The following HECTD4 variants were observed in gnomAD, a reference collection of about 807,000 sequenced individuals.
The protein encoded by HECTD4 is probable E3 ubiquitin-protein ligase HECTD4.
HECTD4 carries 114 observed loss-of-function variants against 471.5 expected under a neutral mutation model. The observed-to-expected ratio is 0.24, with a 90% CI of 0.21 to 0.28. The LOEUF is 0.28. HECTD4 is among the 10% of genes least tolerant of loss of function. The probability of loss-of-function intolerance (pLI) is 1.00; values close to 1 mark genes in which losing one functional copy is unlikely to be tolerated. For synonymous variants in HECTD4, 2,012 were observed against 2,256.0 expected, an observed-to-expected ratio of 0.89 and a Z score of 3.07; for missense variants, 3,866 against 5,651.5, an observed-to-expected ratio of 0.68 and a Z score of 10.13.
intron 22 of HECTD4, among the ~76,000 whole-genome samples, chr12:112,253,042 G>C (rs2033928957): frequency 6.6e-6 from 1 of 151,622 alleles, no homozygotes; most frequent in South Asian, 2.1e-4. Flanking sequence ...TCAAATTCTT[G>C]GGCTCAAGCA....
Position 112,171,141 on chromosome 12 carries a change from C to T in HECTD4, c.11908G>A (p.Ala3970Thr), listed in dbSNP as rs1015405136. Reference sequence around the variant, plus strand: ...CCTTTGGCCTCCTTCAGCAGGGCGGCGATGCTGTGGGTATACATGGGTGTC... The same window carrying T: ...CCTTTGGCCTCCTTCAGCAGGGCGGTGATGCTGTGGGTATACATGGGTGTC... ...RQTPMYTHSI[A>T]ALLKEAKGLI... The change falls in exon 68 of 76, where the codon GCC becomes ACC. Residue 3970 changes from alanine to threonine, a missense_variant. This residue lies in a region of HECTD4 where 715 missense variants were observed against 1,087.6 expected (regional missense o/e 0.66). Coordinates refer to ENST00000682272, the MANE Select transcript of HECTD4 (RefSeq NM_001388303.1). The T allele has an allele frequency of 5.6e-6, 9 of 1,613,210 alleles. No individual in the cohort carries two copies. The highest frequency in any genetic ancestry group is 1.6e-4 in the Middle Eastern group (1 of 6,082).
At chr12:112,187,393 G>A (rs987942934) in intron 60 of HECTD4, among the ~76,000 whole-genome samples, 22 of 152,110 alleles carry the variant, frequency 1.4e-4, no homozygotes, top group African/African-American at 5.3e-4. Flanking sequence ...ATGTATGAAT[G>A]GATGGATAGA....
At chr12:112,358,897 C>T (rs1408406567) in intron 1 of HECTD4, among the ~76,000 whole-genome samples, 5 of 152,046 alleles carry the variant, frequency 3.3e-5, no homozygotes, top group Admixed American at 1.3e-4. Flanking sequence ...AACGGCCGGC[C>T]GGGCGCGGTG....
intron 7 of HECTD4, among the ~76,000 whole-genome samples, chr12:112,299,125 G>A (rs1384775113): frequency 6.6e-6 from 1 of 152,074 alleles, no homozygotes; most frequent in Non-Finnish European, 1.5e-5. Flanking sequence ...AGTACAATGA[G>A]CCTCCATGTA....
At position 112,278,719 on chromosome 12, in the gene HECTD4, G is replaced by A. The variant is rs188305237; in HGVS notation, c.1687+509C>T. On this transcript the variant is annotated intron_variant, in intron 9 of 75. Coordinates refer to ENST00000682272, the MANE Select transcript of HECTD4 (RefSeq NM_001388303.1). ...AACAGACTGGCCAACATGGCGAAAC[G>A]CCATCTCTACTAAAAATAAAAAAAT... 5.3e-5 allele frequency among the ~76,000 whole-genome samples: 8 copies of A among 152,212 alleles called. No individual in the cohort carries two copies. The East Asian group carries it at 7.7e-4, about 15-fold the overall frequency.
chr12:112,257,936 TC>T (rs763038307), intron 20 of HECTD4, among the ~76,000 whole-genome samples: 16 of 152,196 alleles, frequency 1.1e-4, no homozygotes, highest in Non-Finnish European at 1.8e-4. Flanking sequence ...ACGCCTGTAA[TC>T]CCAGCACTTT....
intron 1 of HECTD4, among the ~76,000 whole-genome samples, chr12:112,375,043 C>T (rs919512509): frequency 6.6e-6 from 1 of 152,074 alleles, no homozygotes; most frequent in African/African-American, 2.4e-5. Context: ...CCAAAAGTTT[C>T]TTCATGCTCC....
Position 112,185,184 on chromosome 12 carries a change from C to T in HECTD4, c.9782G>A (p.Cys3261Tyr). 1.9e-6 allele frequency: 3 copies of T among 1,551,834 alleles called. No individual in the cohort carries two copies. The highest frequency in any genetic ancestry group is 2.4e-5 in the South Asian group (2 of 84,106). ...CAGGGTCACTTCGGCCACAGCCAGG[C>T]ACCCTTCCATGAGTGCATGAAAATA... is the stretch of plus-strand genomic sequence containing the variant. ...STYFHALMEG[C>Y]LAVAEVTLPT... The change falls in exon 61 of 76, where the codon TGC (cysteine) becomes TAC (tyrosine). Residue 3261 changes from cysteine (C) to tyrosine (Y), a missense_variant. Physicochemically the swap from Cys to Tyr is radical, Grantham distance 194. Transcript: ENST00000682272.
Position 112,235,220 on chromosome 12 carries a change from T to C in HECTD4, c.5772A>G (p.Thr1924=), listed in dbSNP as rs1243172260. 6.2e-7 allele frequency: 1 copy of C among 1,613,918 alleles called. No homozygotes were observed. The highest frequency in any genetic ancestry group is 8.5e-7 in the Non-Finnish European group (1 of 1,179,902). ...LSPTASEPDT[T]LTKTSPKNSL... is the part of the protein sequence containing the mutation. ...AATTCTTGGGACTGGTTTTTGTCAATGTGGTGTCAGGTTCAGAAGCGGTTG... is the reference window on the plus strand; with the variant it reads ...AATTCTTGGGACTGGTTTTTGTCAACGTGGTGTCAGGTTCAGAAGCGGTTG... Residue 1924 remains threonine (T), a synonymous_variant, in exon 37 of 76, where the codon ACA becomes ACG. Coordinates refer to ENST00000682272, the MANE Select transcript of HECTD4 (RefSeq NM_001388303.1). The surrounding 1 kb of genome is among the most constrained non-coding windows in gnomAD (Gnocchi z 5.0).
At chr12:112,327,317 G>A (rs2035765962) in intron 1 of HECTD4, among the ~76,000 whole-genome samples, 4 of 151,580 alleles carry the variant, frequency 2.6e-5, no homozygotes, top group African/African-American at 4.8e-5. Context: ...ACTCCATCTC[G>A]GGGAGGAGAA....
chr12:112,314,756 C>G (rs1041737107), intron 2 of HECTD4, among the ~76,000 whole-genome samples: 1 of 152,166 alleles, frequency 6.6e-6, no homozygotes, highest in Non-Finnish European at 1.5e-5. Context: ...AACACCATGC[C>G]AATTATGAAG....
chr12:112,280,784 CTTTTTTTT>C (rs569956040), intron 8 of HECTD4, among the ~76,000 whole-genome samples: 53 of 115,250 alleles, frequency 4.6e-4, no homozygotes, highest in Non-Finnish European at 5.6e-4. Context: ...GGAATAAAAA[CTTTTTTTT>C]TTTTTTTTTT....
intron 1 of HECTD4, among the ~76,000 whole-genome samples, chr12:112,379,878 C>T (rs1212914077): frequency 1.3e-5 from 2 of 151,432 alleles, no homozygotes; most frequent in Non-Finnish European, 2.9e-5. Context: ...TGTTTATCAC[C>T]CATACACATA....
chr12:112,333,239 T>A (rs1445579909), intron 1 of HECTD4, among the ~76,000 whole-genome samples: 1 of 152,230 alleles, frequency 6.6e-6, no homozygotes, highest in East Asian at 1.9e-4. Context: ...CCGAGTCACA[T>A]GTTAACTCTA....
At position 112,243,572 on chromosome 12, in the gene HECTD4, G is replaced by C. The variant is rs775449088; in HGVS notation, c.4791+48C>G. 1.2e-6 allele frequency: 2 copies of C among 1,601,458 alleles called. No homozygotes were observed. The highest frequency in any genetic ancestry group is 1.7e-5 in the Admixed American group (1 of 57,988). ...CTCCTGCTAACTGCCGCAAGACCCC[G>C]CATGCTGTTAGGTGCTATTCATCTG... is the stretch of plus-strand genomic sequence containing the variant. On this transcript the variant is annotated intron_variant, in intron 31 of 75. Transcript: ENST00000682272. This position sits in a 1 kb window ranked among gnomAD's most constrained non-coding sequence, Gnocchi z 6.6.
chr12:112,185,247 C>T lies in HECTD4; in HGVS notation c.9719G>A (p.Gly3240Glu). Residue 3240 changes from glycine (G) to glutamate (E), a missense_variant, in exon 61 of 76, where the codon GGG becomes GAG. Physicochemically the swap from Gly to Glu is moderately conservative, Grantham distance 98 (BLOSUM62 -2). Coordinates refer to ENST00000682272, the MANE Select transcript of HECTD4 (RefSeq NM_001388303.1). The stretch of plus-strand genomic sequence containing the variant: ...GCCCTGGTCACCGGCCGCCGCCCCC[C>T]CGGAGCCCCCGCAGGCGCCGCCTGA... ...WVSGGACGGS[G>E]GAAAGDQGRF... is the part of the protein sequence containing the mutation. 2 of 1,550,242 alleles carry T rather than the reference C, an allele frequency of 1.3e-6. No homozygotes were observed. Among genetic ancestry groups the T allele is most frequent in the South Asian group, 2.4e-5 (2 of 84,032 alleles).
chr12:112,193,783 G>T lies in HECTD4; in HGVS notation c.8750-109C>A. On this transcript the variant is annotated intron_variant, in intron 56 of 75. Coordinates refer to ENST00000682272, the MANE Select transcript of HECTD4 (RefSeq NM_001388303.1). This position sits in a 1 kb window ranked among gnomAD's most constrained non-coding sequence, Gnocchi z 5.2. ...CCATCCAGAAACCCCAGATGGGAGGGTTATCCTGGATATGATGTCCTGGAT... is the reference window on the plus strand; with the variant it reads ...CCATCCAGAAACCCCAGATGGGAGGTTTATCCTGGATATGATGTCCTGGAT... The T allele has an allele frequency of 1.1e-6, 1 of 930,888 alleles. No individual in the cohort carries two copies. Among genetic ancestry groups the T allele is most frequent in the Non-Finnish European group, 1.7e-6 (1 of 598,408 alleles). 57.7% of individuals were successfully genotyped at this position (930,888 alleles called of 1,614,324 possible).
At chr12:112,269,676 A>G (rs2034372834) in intron 13 of HECTD4, 28 bp downstream of exon 13, 1 of 1,611,548 alleles carries the variant, frequency 6.2e-7, no homozygotes, top group African/African-American at 1.3e-5. Context: ...TTTTGCAGAG[A>G]GCACTACAAA....
chr12:112,184,585 G>T lies in HECTD4; in HGVS notation c.10381C>A (p.Leu3461Met). The stretch of plus-strand genomic sequence containing the variant: ...ATGCTGTCTGTGCCGGGGAAGGCCA[G>T]TGTCTTCTCGGGCTCAACTTTCCCG... The part of the protein sequence containing the change: ...GDGKVEPEKT[L>M]AFPGTDSMEV... The change falls in exon 61 of 76, where the codon CTG (leucine) becomes ATG (methionine). Residue 3461 changes from leucine (L) to methionine (M), a missense_variant. By Grantham distance (15) the Leu-to-Met change is conservative. This residue lies in a region of HECTD4 where 192 missense variants were observed against 189.9 expected (regional missense o/e 1.01). Transcript: ENST00000682272. The surrounding 1 kb of genome is among the most constrained non-coding windows in gnomAD (Gnocchi z 9.1). 6.2e-7 allele frequency: 1 copy of T among 1,613,854 alleles called. No homozygotes were observed. The highest frequency in any genetic ancestry group is 1.1e-5 in the South Asian group (1 of 91,086).
Sources: gnomAD v4.1 joint callset for allele counts (sites outside exome capture counted in the v4.1 genomes callset) on GRCh38, gnomAD v4.1.1 for gene constraint, gnomAD v4.1.1 regional missense constraint, Gnocchi (gnomAD v3.1) non-coding constraint, MANE v1.5 for transcripts, NCBI Gene and HGNC (gene_info 2026-07-23, HGNC 2026-07-21) for gene names.